DYNC2H1: variants seen among roughly 807,000 people sequenced by gnomAD.
DYNC2H1 encodes dynein cytoplasmic 2 heavy chain 1, also known as cytoplasmic dynein 2 heavy chain 1.
DYNC2H1 carries 410 observed loss-of-function variants against 570.0 expected under a neutral mutation model. That is an observed-to-expected ratio of 0.72 (90% CI 0.66 to 0.78). DYNC2H1 has a LOEUF of 0.78. Among genes scored for constraint, DYNC2H1 ranks in the 30% least tolerant of loss-of-function variants. The probability of loss-of-function intolerance (pLI) is 0.00; values close to 1 mark genes in which losing one functional copy is unlikely to be tolerated. For missense variants in DYNC2H1, 4,865 were observed against 5,046.4 expected (o/e 0.96, Z 1.09); for synonymous variants, 1,688 against 1,677.6 (o/e 1.01, Z -0.15).
In DYNC2H1 at chr11:103,377,715, A is replaced by T. The variant is rs987297677; in HGVS notation, c.12156+19356A>T. Reference sequence around the variant, plus strand: ...GAAGAGTTACTTTGATAGAATTTGAAGTTACTTTTTACATTTACATAGGGT... The same window carrying T: ...GAAGAGTTACTTTGATAGAATTTGATGTTACTTTTTACATTTACATAGGGT... On this transcript the variant is annotated intron_variant, in intron 83 of 88. Transcript: ENST00000375735. Among the ~76,000 whole-genome samples the T allele has an allele frequency of 4.4e-4, 67 of 152,176 alleles. 1 individual carries two copies. The highest frequency in any genetic ancestry group is 1.5e-3 in the African/African-American group (63 of 41,518).
At chr11:103,139,551 C>G (rs1255260779) in intron 17 of DYNC2H1, among the ~76,000 whole-genome samples, 1 of 151,354 alleles carries the variant, frequency 6.6e-6, no homozygotes, top group African/African-American at 2.4e-5. Context: ...ATCCTGAGTT[C>G]TAGTTTGATT....
In DYNC2H1 at chr11:103,205,100, C is replaced by G; in HGVS notation, c.8454+136C>G. 1.3e-6 allele frequency: 1 copy of G among 795,780 alleles called. No homozygotes were observed. The highest frequency in any genetic ancestry group is 2.1e-5 in the South Asian group (1 of 47,306). 49.3% of individuals were successfully genotyped at this position (795,780 alleles called of 1,614,324 possible). A position where few individuals can be genotyped will look rare whatever the true frequency, so the allele number is the denominator to read the frequency against. ...AAACATCTCTTATGTTTGGAAATGT[C>G]TGTTTTCTTCGTACTCTTGCATCAT... On this transcript the variant is annotated intron_variant, in intron 52 of 88. Coordinates refer to ENST00000375735, the MANE Select transcript of DYNC2H1 (RefSeq NM_001377.3). This position sits in a 1 kb window ranked among gnomAD's most constrained non-coding sequence, Gnocchi z 4.5.
In DYNC2H1 at chr11:103,393,173, G is replaced by A. The variant is rs558489760; in HGVS notation, c.12157-6490G>A. Among the ~76,000 whole-genome samples, 8 of 152,238 alleles carry A rather than the reference G, an allele frequency of 5.3e-5. No individual in the cohort carries two copies. The South Asian group carries it at 8.3e-4, about 16-fold the overall frequency. ...TGCTGGGATTACAGGTGTGAGCCAT[G>A]GCACCCAGCCAGAACTTAAAATGTA... On this transcript the variant is annotated intron_variant, in intron 83 of 88. Coordinates refer to ENST00000375735, the MANE Select transcript of DYNC2H1 (RefSeq NM_001377.3).
chr11:103,297,220 AC>A (rs1361883901), intron 75 of DYNC2H1, among the ~76,000 whole-genome samples: 2 of 152,168 alleles, frequency 1.3e-5, no homozygotes, highest in Non-Finnish European at 2.9e-5. Context: ...TGTGATCAGT[AC>A]AGAACTTTTG....
chr11:103,309,475 C>T (rs536563484), intron 78 of DYNC2H1, among the ~76,000 whole-genome samples: 1 of 151,018 alleles, frequency 6.6e-6, no homozygotes, highest in African/African-American at 2.4e-5. Flanking sequence ...GGATTACAGG[C>T]ATGAGCCATT....
At chr11:103,132,425 A>G (rs574091855) in intron 13 of DYNC2H1, among the ~76,000 whole-genome samples, 10 of 152,068 alleles carry the variant, frequency 6.6e-5, no homozygotes, top group Non-Finnish European at 1.2e-4. Context: ...AAGCATTTTT[A>G]TGATGGCTGC....
chr11:103,178,992 T>C (rs1861739996), intron 38 of DYNC2H1, 34 bp from the exon 39 acceptor site: 1 of 1,570,464 alleles, frequency 6.4e-7, no homozygotes, highest in Non-Finnish European at 8.7e-7. Flanking sequence ...GCATATATTT[T>C]TATTTTGTCT....
chr11:103,399,637 T>C (rs772641094), intron 83 of DYNC2H1, 26 bp from the exon 84 acceptor site: 1 of 1,544,318 alleles, frequency 6.5e-7, no homozygotes, highest in Non-Finnish European at 8.9e-7. Context: ...TACTATTCGG[T>C]AAATATTATG....
At chr11:103,351,459 G>T (rs191246997) in intron 82 of DYNC2H1, among the ~76,000 whole-genome samples, 100 of 152,284 alleles carry the variant, frequency 6.6e-4, no homozygotes, top group African/African-American at 2.4e-3. Context: ...GGATGTGATT[G>T]CAGGAACGCA....
rs72076859 is a variant in DYNC2H1, at chr11:103,424,705, C to CAAAAAA, written c.12367-11228_12367-11223dup. On this transcript the variant is annotated intron_variant, in intron 84 of 88. Transcript: ENST00000375735. Reference sequence around the variant, plus strand: ...GGCAAATGTTTAAAAACTGGCTCTCCAAAAAAAAAAAAAAAGAGGAGGCAA... The same window carrying CAAAAAA: ...GGCAAATGTTTAAAAACTGGCTCTCCAAAAAAAAAAAAAAAAAAAAAGAGGAGGCAA... Among the ~76,000 whole-genome samples the CAAAAAA allele has an allele frequency of 3.1e-4, 41 of 131,008 alleles. 1 individual carries two copies. Among genetic ancestry groups the CAAAAAA allele is most frequent in the African/African-American group, 9.7e-4 (35 of 36,074 alleles). The allele number at this position is 131,008 out of a possible 152,430, so 85.9% of individuals were successfully genotyped here.
At chr11:103,354,251 C>A (rs1940212421) in intron 82 of DYNC2H1, among the ~76,000 whole-genome samples, 2 of 150,352 alleles carry the variant, frequency 1.3e-5, no homozygotes, top group South Asian at 4.2e-4. Flanking sequence ...TGACCAAGGG[C>A]CTTCTACTCT....
intron 85 of DYNC2H1, among the ~76,000 whole-genome samples, chr11:103,440,404 A>T (rs1239947362): frequency 6.6e-6 from 1 of 152,154 alleles, no homozygotes. Flanking sequence ...TAAGATCCAC[A>T]GTGACGACTT....
At chr11:103,301,714 G>T (rs1219234983) in intron 75 of DYNC2H1, among the ~76,000 whole-genome samples, 1 of 151,910 alleles carries the variant, frequency 6.6e-6, no homozygotes, top group Non-Finnish European at 1.5e-5. Flanking sequence ...AGACAAGGGT[G>T]CTGCTTTAGG....
At chr11:103,477,755 C>T (rs1234600619) in intron 88 of DYNC2H1, among the ~76,000 whole-genome samples, 1 of 137,110 alleles carries the variant, frequency 7.3e-6, no homozygotes, top group Non-Finnish European at 1.5e-5. Flanking sequence ...GGAATGAACC[C>T]GGGAGGTGGA....
chr11:103,287,511 A>C (rs763534937), intron 74 of DYNC2H1, 22 bp from the exon 75 acceptor site: 2 of 1,584,792 alleles, frequency 1.3e-6, no homozygotes, highest in African/African-American at 2.7e-5. Flanking sequence ...TTCTTTAAAA[A>C]TATTCTGCAT....
chr11:103,207,245 A>ATT lies in DYNC2H1; in HGVS notation c.8454+2281_8454+2282insTT, dbSNP rs1565396154. ...CCTGTTTTTTTTTTTTTTTTTTTAA[A>ATT]AAAAGATGGGACACACTATAGTATG... On this transcript the variant is annotated intron_variant, in intron 52 of 88. Transcript: ENST00000375735. 4.6e-3 allele frequency among the ~76,000 whole-genome samples: 154 copies of ATT among 33,626 alleles called. 1 individual carries two copies. Among genetic ancestry groups the ATT allele is most frequent in the African/African-American group, 5.4e-3 (71 of 13,046 alleles). 22.1% of individuals were successfully genotyped at this position (33,626 alleles called of 152,430 possible). A position where few individuals can be genotyped will look rare whatever the true frequency, so the allele number is the denominator to read the frequency against.
chr11:103,343,388 T>G (rs1191955071), intron 82 of DYNC2H1, among the ~76,000 whole-genome samples: 1 of 152,158 alleles, frequency 6.6e-6, no homozygotes, highest in Non-Finnish European at 1.5e-5. Flanking sequence ...TCTCTGGTGC[T>G]TTTCTAGTTT....
chr11:103,305,646 C>T lies in DYNC2H1; in HGVS notation c.11382+926C>T, dbSNP rs777174131. 2.6e-5 allele frequency among the ~76,000 whole-genome samples: 4 copies of T among 151,982 alleles called. No homozygotes were observed. The highest frequency in any genetic ancestry group is 9.7e-5 in the African/African-American group (4 of 41,360). ...ATAGAGTAAATTGAGGGAGGTCCTG[C>T]CCTAGGTGTGAGGTATTAAAAATCT... On this transcript the variant is annotated intron_variant, in intron 77 of 88. Transcript: ENST00000375735. This position sits in a 1 kb window ranked among gnomAD's most constrained non-coding sequence, Gnocchi z 4.3.
At chr11:103,359,954 C>G (rs900119645) in intron 83 of DYNC2H1, among the ~76,000 whole-genome samples, 3 of 151,996 alleles carry the variant, frequency 2.0e-5, no homozygotes, top group Non-Finnish European at 4.4e-5. Flanking sequence ...CGTGAGCCAC[C>G]ACGCCCAGCC....
Sources: allele counts gnomAD v4.1 joint callset (sites outside exome capture counted in the v4.1 genomes callset), GRCh38; gene constraint gnomAD v4.1.1; non-coding constraint Gnocchi (gnomAD v3.1); transcripts MANE v1.5; gene names NCBI Gene and HGNC (gene_info 2026-07-23, HGNC 2026-07-21).